SOX5: variants seen among roughly 807,000 people sequenced by gnomAD.
SOX5 encodes the protein transcription factor SOX-5.
SOX5 carries 9 observed loss-of-function variants against 92.0 expected under a neutral mutation model. That is an observed-to-expected ratio of 0.10 (90% CI 0.06 to 0.17). The LOEUF (loss-of-function observed/expected upper bound fraction) is 0.17. SOX5 is among the 10% of genes least tolerant of loss of function. SOX5 has a pLI of 1.00. For missense variants in SOX5, 642 were observed against 944.5 expected (o/e 0.68, Z 4.20); for synonymous variants, 344 against 336.3 (o/e 1.02, Z -0.25).
intron 4 of SOX5, among the ~76,000 whole-genome samples, chr12:24,051,011 C>G (rs1957511032): frequency 6.6e-6 from 1 of 152,130 alleles, no homozygotes; most frequent in Non-Finnish European, 1.5e-5. Flanking sequence ...ATCTCATCCA[C>G]TAGGTATTCT....
At chr12:23,735,027 A>G (rs994181724) in intron 5 of SOX5, among the ~76,000 whole-genome samples, 25 of 152,306 alleles carry the variant, frequency 1.6e-4, no homozygotes, top group Admixed American at 4.6e-4. Context: ...TTTTTCGAAC[A>G]TCCCTCTTCC....
chr12:24,164,195 A>C (rs1378140376), intron 4 of SOX5, among the ~76,000 whole-genome samples: 1 of 152,044 alleles, frequency 6.6e-6, no homozygotes, highest in East Asian at 1.9e-4. Flanking sequence ...ATGACACAGA[A>C]CACACTGGCT....
intron 1 of SOX5, among the ~76,000 whole-genome samples, chr12:24,370,735 T>C (rs1358588762): frequency 6.6e-6 from 1 of 152,152 alleles, no homozygotes. Flanking sequence ...GAGGTTTCAG[T>C]GAGCCGAGAT....
intron 1 of SOX5, among the ~76,000 whole-genome samples, chr12:24,421,972 T>C (rs997647033): frequency 2.0e-5 from 3 of 152,232 alleles, no homozygotes; most frequent in African/African-American, 7.2e-5. Flanking sequence ...TCTGTCATTA[T>C]TGCAGGTTGG....
upstream of SOX5, chr12:23,949,792 CTTTCT>C: frequency 2.0e-6 from 1 of 493,792 alleles, no homozygotes; most frequent in Non-Finnish European, 3.4e-6. Flanking sequence ...CTCTCTCTCT[CTTTCT>C]CCCCCCCTCC....
In SOX5 at chr12:23,932,195, TA is replaced by T. The variant is rs1037181354; in HGVS notation, c.38+17368del. ...ATACCTGTCTTAAGAGCCCTGTATC[TA>T]ACCTGAATCTAACCATGAGGATAAA... On this transcript the variant is annotated intron_variant, in intron 1 of 14. Transcript: ENST00000451604. 1.1e-4 allele frequency among the ~76,000 whole-genome samples: 17 copies of T among 151,718 alleles called. No individual in the cohort carries two copies. The East Asian group carries it at 3.3e-3, about 29-fold the overall frequency.
chr12:23,935,082 A>C (rs1942257778), intron 1 of SOX5, among the ~76,000 whole-genome samples: 1 of 151,236 alleles, frequency 6.6e-6, no homozygotes, highest in African/African-American at 2.4e-5. Flanking sequence ...ACATTAACGC[A>C]TATTCATCCA....
At chr12:23,772,601 A>AAG (rs752562691) in intron 3 of SOX5, among the ~76,000 whole-genome samples, 11 of 152,222 alleles carry the variant, frequency 7.2e-5, no homozygotes, top group Non-Finnish European at 1.6e-4. Context: ...TGCTTTACAT[A>AAG]TGTTTATTTT....
intron 6 of SOX5, among the ~76,000 whole-genome samples, chr12:23,679,563 A>G (rs967516836): frequency 6.6e-6 from 1 of 152,222 alleles, no homozygotes; most frequent in South Asian, 2.1e-4. Flanking sequence ...ATGTACTACT[A>G]TAACTCAATC....
At chr12:24,353,837 C>T (rs757576859) in intron 2 of SOX5, among the ~76,000 whole-genome samples, 37 of 152,214 alleles carry the variant, frequency 2.4e-4, no homozygotes, top group Middle Eastern at 3.4e-3. Context: ...GACAGGGTTT[C>T]ACCATGTTGG....
intron 2 of SOX5, among the ~76,000 whole-genome samples, chr12:24,299,777 G>A (rs11047358): frequency 0.19 from 28,510 of 152,026 alleles, 2,896 homozygotes; most frequent in Admixed American, 0.28. Context: ...GAAGTGATCC[G>A]AAGCTCTGCA....
At chr12:24,251,931 G>C (rs1940150311) in intron 3 of SOX5, among the ~76,000 whole-genome samples, 1 of 136,408 alleles carries the variant, frequency 7.3e-6, no homozygotes, top group Non-Finnish European at 1.6e-5. Flanking sequence ...ATACACCTCA[G>C]CATCACAAAC....
chr12:24,018,617 A>G (rs977276118), intron 4 of SOX5, among the ~76,000 whole-genome samples: 3 of 152,054 alleles, frequency 2.0e-5, no homozygotes, highest in Non-Finnish European at 4.4e-5. Context: ...CCAACATGGC[A>G]AAACCCTACC....
intron 2 of SOX5, among the ~76,000 whole-genome samples, chr12:23,858,641 T>A (rs548081041): frequency 3.9e-5 from 6 of 152,196 alleles, no homozygotes; most frequent in Admixed American, 2.6e-4. Flanking sequence ...GTATGGTGAC[T>A]CCTCAAAGAA....
chr12:23,729,830 T>A (rs1307495572), intron 6 of SOX5, among the ~76,000 whole-genome samples: 1 of 152,204 alleles, frequency 6.6e-6, no homozygotes, highest in East Asian at 1.9e-4. Flanking sequence ...CATTGTCGGA[T>A]TAGCCCTATT....
chr12:24,274,494 G>C (rs1013521987), intron 3 of SOX5, among the ~76,000 whole-genome samples: 6 of 152,038 alleles, frequency 3.9e-5, no homozygotes, highest in African/African-American at 1.4e-4. Context: ...ATTTACCTCT[G>C]ACACATGAGA....
chr12:23,832,354 G>GT, intron 3 of SOX5, among the ~76,000 whole-genome samples: 1 of 152,050 alleles, frequency 6.6e-6, no homozygotes, highest in African/African-American at 2.4e-5. Flanking sequence ...TTTTATGACT[G>GT]TTGAGTTCAT....
At chr12:24,048,623 A>G (rs1328864417) in intron 4 of SOX5, among the ~76,000 whole-genome samples, 4 of 152,238 alleles carry the variant, frequency 2.6e-5, no homozygotes, top group East Asian at 1.9e-4. Flanking sequence ...CCATCAACTG[A>G]TAAATGGATA....
At chr12:24,043,259 A>G (rs1956685614) in intron 4 of SOX5, among the ~76,000 whole-genome samples, 1 of 152,224 alleles carries the variant, frequency 6.6e-6, no homozygotes, top group Non-Finnish European at 1.5e-5. Context: ...AGAGGTAAAA[A>G]GGTCAATAAA....
Sources: allele counts gnomAD v4.1 joint callset (sites outside exome capture counted in the v4.1 genomes callset), GRCh38; gene constraint gnomAD v4.1.1; transcripts MANE v1.5; gene names NCBI Gene and HGNC (gene_info 2026-07-23, HGNC 2026-07-21).